The following ASB18 variants were observed in gnomAD, a reference collection of about 807,000 sequenced individuals.
ASB18 encodes ankyrin repeat and SOCS box containing 18, also known as ankyrin repeat and SOCS box protein 18.
A neutral mutation model predicts 33.4 loss-of-function variants in ASB18; 33 were observed. The ratio of observed to expected loss-of-function variants is 0.99; its 90% CI spans 0.75 to 1.32. ASB18 has a LOEUF of 1.32. Ranked by LOEUF, ASB18 falls within the 40% of genes most tolerant of loss-of-function variation. The pLI, the probability that ASB18 is intolerant of heterozygous loss-of-function variation, is 0.00. For missense variants in ASB18, 694 were observed against 655.5 expected (o/e 1.06, Z -0.64); for synonymous variants, 295 against 307.6 (o/e 0.96, Z 0.43).
rs1415197202 is a variant in ASB18 at position 236,231,646 on chromosome 2, C to T, written c.596+6043G>A. Among the ~76,000 whole-genome samples, 5 of 152,198 alleles carry T rather than the reference C, an allele frequency of 3.3e-5. No individual in the cohort carries two copies. Among genetic ancestry groups the T allele is most frequent in the Non-Finnish European group, 7.3e-5 (5 of 68,044 alleles). ...GGCTAAGCGTTCTCGCTATGTTGCTCAGGCTGGTCTCAAACTCCTGGCCTC... is the reference window on the plus strand; with the variant it reads ...GGCTAAGCGTTCTCGCTATGTTGCTTAGGCTGGTCTCAAACTCCTGGCCTC... On this transcript the variant is annotated intron_variant, in intron 3 of 5. Coordinates refer to ENST00000409749, the MANE Select transcript of ASB18 (RefSeq NM_212556.4). This position sits in a 1 kb window ranked among gnomAD's most constrained non-coding sequence, Gnocchi z 5.5.
chr2:236,242,843 T>TC (rs1225274860), intron 1 of ASB18, among the ~76,000 whole-genome samples: 3 of 130,032 alleles, frequency 2.3e-5, no homozygotes, highest in South Asian at 2.5e-4. Context: ...ATAGCAAGGG[T>TC]CCCCCCATCT....
rs141980124 is a variant in ASB18, at chr2:236,238,197, G to T, written c.329-241C>A. On this transcript the variant is annotated intron_variant, in intron 2 of 5. Coordinates refer to ENST00000409749, the MANE Select transcript of ASB18 (RefSeq NM_212556.4). This position sits in a 1 kb window ranked among gnomAD's most constrained non-coding sequence, Gnocchi z 5.2. ...AAAGGAGAGATTGAAGGCTAAAACC[G>T]AGCTAGAGAGATGGGGCGCCGGGTA... 6.6e-6 allele frequency among the ~76,000 whole-genome samples: 1 copy of T among 152,194 alleles called. No homozygotes were observed. The highest frequency in any genetic ancestry group is 2.4e-5 in the African/African-American group (1 of 41,496).
rs56904956 is a variant in ASB18, at chr2:236,253,535, C to CTTATTATTATTA, written c.205+10594_205+10605dup. On this transcript the variant is annotated intron_variant, in intron 1 of 5. Transcript: ENST00000409749. This position sits in a 1 kb window ranked among gnomAD's most constrained non-coding sequence, Gnocchi z 5.4. ...GGGACTACAGCCACTTGCTGGTTAA[C>CTTATTATTATTA]TTATTATTATTATTATTATTATTAT... Among the ~76,000 whole-genome samples, 1 of 146,118 alleles carries CTTATTATTATTA rather than the reference C, an allele frequency of 6.8e-6. No homozygotes were observed. The highest frequency in any genetic ancestry group is 1.5e-5 in the Non-Finnish European group (1 of 66,498).
Position 236,231,707 on chromosome 2 carries a change from G to GAT in ASB18, c.596+5981_596+5982insAT, listed in dbSNP as rs2060566671. Among the ~76,000 whole-genome samples the GAT allele has an allele frequency of 6.6e-6, 1 of 152,034 alleles. No homozygotes were observed. The highest frequency in any genetic ancestry group is 2.4e-5 in the African/African-American group (1 of 41,380). ...CCAACCTTGGCCTCCCAAAGTGCTG[G>GAT]GATTACTGGTGTGATCCACTGCACC... On this transcript the variant is annotated intron_variant, in intron 3 of 5. Coordinates refer to ENST00000409749, the MANE Select transcript of ASB18 (RefSeq NM_212556.4). This position sits in a 1 kb window ranked among gnomAD's most constrained non-coding sequence, Gnocchi z 5.5.
chr2:236,236,988 C>T (rs1317411570), intron 3 of ASB18, among the ~76,000 whole-genome samples: 1 of 152,140 alleles, frequency 6.6e-6, no homozygotes, highest in Non-Finnish European at 1.5e-5. Flanking sequence ...TTTCCGAGAC[C>T]CGGAGCACAC....
rs1288592679 is a variant in ASB18 at position 236,241,303 on chromosome 2, G to A, written c.305C>T (p.Ser102Phe). ...NKDEMEWQVK[S>F]PATFGLSGLW... ...ACCTGATAGTCCAAACGTGGCTGGA[G>A]ATTTCACCTGCCATTCCATCTCATC... is the stretch of plus-strand genomic sequence containing the variant. Residue 102 changes from serine (S) to phenylalanine (F), a missense_variant, in exon 2 of 6, where the codon TCT becomes TTT. Physicochemically the swap from Ser to Phe is radical, Grantham distance 155. Coordinates refer to ENST00000409749, the MANE Select transcript of ASB18 (RefSeq NM_212556.4). The surrounding 1 kb of genome is among the most constrained non-coding windows in gnomAD (Gnocchi z 4.2). The A allele has an allele frequency of 3.7e-6, 6 of 1,613,776 alleles. No homozygotes were observed. Among genetic ancestry groups the A allele is most frequent in the Admixed American group, 3.3e-5 (2 of 60,026 alleles).
At chr2:236,206,142 T>C (rs1016372036) in intron 4 of ASB18, among the ~76,000 whole-genome samples, 3 of 152,166 alleles carry the variant, frequency 2.0e-5, no homozygotes, top group Non-Finnish European at 4.4e-5. Flanking sequence ...TATCTGTGGG[T>C]TGGCTCTCTA....
intron 1 of ASB18, among the ~76,000 whole-genome samples, chr2:236,261,330 C>T (rs2060717251): frequency 6.6e-6 from 1 of 152,178 alleles, no homozygotes; most frequent in African/African-American, 2.4e-5. Context: ...CTTGCCATCT[C>T]TCACCTGGGC....
chr2:236,227,302 T>A (rs977080335), intron 3 of ASB18, among the ~76,000 whole-genome samples: 1 of 152,124 alleles, frequency 6.6e-6, no homozygotes, highest in Non-Finnish European at 1.5e-5. Flanking sequence ...GAAAGAAACA[T>A]CAAGCCCCCA....
At chr2:236,202,140 G>A (rs1165440347) in intron 4 of ASB18, among the ~76,000 whole-genome samples, 1 of 151,892 alleles carries the variant, frequency 6.6e-6, no homozygotes, top group Non-Finnish European at 1.5e-5. Flanking sequence ...TTGTAGAGAT[G>A]GGGTTTCACC....
chr2:236,202,808 T>C lies in ASB18; in HGVS notation c.1102-6423A>G, dbSNP rs1488545057. On this transcript the variant is annotated intron_variant, in intron 4 of 5. Transcript: ENST00000409749. Reference sequence around the variant, plus strand: ...AAAAAAAAAAAAATATATATATATATATATATACACACACCTATAGTTCTC... The same window carrying C: ...AAAAAAAAAAAAATATATATATATACATATATACACACACCTATAGTTCTC... Among the ~76,000 whole-genome samples the C allele has an allele frequency of 1.6e-5, 2 of 121,990 alleles. 1 individual carries two copies. The highest frequency in any genetic ancestry group is 5.8e-5 in the African/African-American group (2 of 34,302). The allele number at this position is 121,990 out of a possible 152,430, so 80.0% of individuals were successfully genotyped here. A position where few individuals can be genotyped will look rare whatever the true frequency, so the allele number is the denominator to read the frequency against.
Position 236,220,975 on chromosome 2 carries a change from C to T in ASB18, c.597-6109G>A, listed in dbSNP as rs543575893. Among the ~76,000 whole-genome samples the T allele has an allele frequency of 6.6e-5, 10 of 152,272 alleles. No homozygotes were observed. The highest frequency in any genetic ancestry group is 2.0e-4 in the Admixed American group (3 of 15,298). On this transcript the variant is annotated intron_variant, in intron 3 of 5. Transcript: ENST00000409749. The surrounding 1 kb of genome is among the most constrained non-coding windows in gnomAD (Gnocchi z 5.1). ...AAGGCGACCCATGGACCTCATTCTA[C>T]GGGGTGGCACAGTAACCGGTTCTCA...
In ASB18 at chr2:236,244,115, C is replaced by T. The variant is rs771259586; in HGVS notation, c.206-2713G>A. ...TGCTGGGATTACAGGTGTGAGCCAC[C>T]GTGCCCGGCCTGTTTTTCTTTCTTT... On this transcript the variant is annotated intron_variant, in intron 1 of 5. Transcript: ENST00000409749. The surrounding 1 kb of genome is among the most constrained non-coding windows in gnomAD (Gnocchi z 6.1). Among the ~76,000 whole-genome samples the T allele has an allele frequency of 3.3e-5, 5 of 152,206 alleles. No homozygotes were observed. The highest frequency in any genetic ancestry group is 4.8e-5 in the African/African-American group (2 of 41,456).
In ASB18 at chr2:236,209,307, CTG is replaced by C; in HGVS notation, c.1101+5053_1101+5054del. 6.8e-6 allele frequency among the ~76,000 whole-genome samples: 1 copy of C among 147,666 alleles called. No homozygotes were observed. Among genetic ancestry groups the C allele is most frequent in the Admixed American group, 6.8e-5 (1 of 14,754 alleles). ...TTTTTTTTTAAGACAAGGTCTTGCTCTGTCGTCCAGGCTGGAGTGTAGTATTG... is the reference window on the plus strand; with the variant it reads ...TTTTTTTTTAAGACAAGGTCTTGCTCTCGTCCAGGCTGGAGTGTAGTATTG... On this transcript the variant is annotated intron_variant, in intron 4 of 5. Coordinates refer to ENST00000409749, the MANE Select transcript of ASB18 (RefSeq NM_212556.4). The surrounding 1 kb of genome is among the most constrained non-coding windows in gnomAD (Gnocchi z 4.4).
rs1389748597 is a variant in ASB18 at position 236,208,874 on chromosome 2, G to A, written c.1101+5488C>T. 6.6e-6 allele frequency among the ~76,000 whole-genome samples: 1 copy of A among 152,178 alleles called. No homozygotes were observed. Among genetic ancestry groups the A allele is most frequent in the Admixed American group, 6.5e-5 (1 of 15,288 alleles). On this transcript the variant is annotated intron_variant, in intron 4 of 5. Coordinates refer to ENST00000409749, the MANE Select transcript of ASB18 (RefSeq NM_212556.4). The surrounding 1 kb of genome is among the most constrained non-coding windows in gnomAD (Gnocchi z 7.7). ...TTACTCTGACATGCTGATGTCATTAGTGTCCACGCACACCACACTCTCTTC... is the reference window on the plus strand; with the variant it reads ...TTACTCTGACATGCTGATGTCATTAATGTCCACGCACACCACACTCTCTTC...
At position 236,214,300 on chromosome 2, in the gene ASB18, A is replaced by AG; in HGVS notation, c.1101+61dup. The AG allele has an allele frequency of 6.6e-7, 1 of 1,516,178 alleles. No homozygotes were observed. The allele number at this position is 1,516,178 out of a possible 1,614,324, so 93.9% of individuals were successfully genotyped here. On this transcript the variant is annotated intron_variant, in intron 4 of 5. Transcript: ENST00000409749. This position sits in a 1 kb window ranked among gnomAD's most constrained non-coding sequence, Gnocchi z 6.5. The stretch of plus-strand genomic sequence containing the variant: ...GAGCGCCGCATGCAACCCAGCTCCC[A>AG]GGCCGGTCACTAAGTGGCAAAACTC...
At position 236,241,185 on chromosome 2, in the gene ASB18, C is replaced by T; in HGVS notation, c.328+95G>A. 4 of 1,252,848 alleles carry T rather than the reference C, an allele frequency of 3.2e-6. No individual in the cohort carries two copies. Among genetic ancestry groups the T allele is most frequent in the Middle Eastern group, 2.5e-4 (1 of 4,070 alleles). 77.6% of individuals were successfully genotyped at this position (1,252,848 alleles called of 1,614,324 possible). A position where few individuals can be genotyped will look rare whatever the true frequency, so the allele number is the denominator to read the frequency against. ...TTCTTGTGTACGTTAAACCCAGTGC[C>T]ACTGTGCCCAGTCTACACACGGGAG... On this transcript the variant is annotated intron_variant, in intron 2 of 5. Transcript: ENST00000409749. The surrounding 1 kb of genome is among the most constrained non-coding windows in gnomAD (Gnocchi z 4.2).
chr2:236,204,863 G>A lies in ASB18; in HGVS notation c.1102-8478C>T, dbSNP rs1201510634. Among the ~76,000 whole-genome samples the A allele has an allele frequency of 2.0e-5, 3 of 152,158 alleles. No homozygotes were observed. Among genetic ancestry groups the A allele is most frequent in the Non-Finnish European group, 4.4e-5 (3 of 68,028 alleles). On this transcript the variant is annotated intron_variant, in intron 4 of 5. Coordinates refer to ENST00000409749, the MANE Select transcript of ASB18 (RefSeq NM_212556.4). This position sits in a 1 kb window ranked among gnomAD's most constrained non-coding sequence, Gnocchi z 5.1. ...CACCCATAACCTGCCCCATTCCCAA[G>A]TGATAGCAAACTCATTCTTGCAGTC...
intron 3 of ASB18, among the ~76,000 whole-genome samples, chr2:236,224,722 G>T (rs2060529288): frequency 3.9e-5 from 6 of 152,242 alleles, no homozygotes; most frequent in Admixed American, 3.3e-4. Context: ...TGCCTTGCAG[G>T]CCTGAGAGGC....
Sources: gnomAD v4.1 joint callset for allele counts (sites outside exome capture counted in the v4.1 genomes callset) on GRCh38, gnomAD v4.1.1 for gene constraint, Gnocchi (gnomAD v3.1) non-coding constraint, MANE v1.5 for transcripts, NCBI Gene and HGNC (gene_info 2026-07-23, HGNC 2026-07-21) for gene names.